The following TMTC2 variants were observed in gnomAD, a reference collection of about 807,000 sequenced individuals.
The protein encoded by TMTC2 is protein O-mannosyl-transferase TMTC2.
A neutral mutation model predicts 82.4 loss-of-function variants in TMTC2; 43 were observed. The observed-to-expected ratio is 0.52, with a 90% CI of 0.41 to 0.67. The LOEUF is 0.67. TMTC2 is among the 30% of genes least tolerant of loss of function. The pLI is 0.00. For synonymous variants in TMTC2, 408 were observed against 381.9 expected (o/e 1.07, Z -0.80); for missense variants, 919 against 1,012.4 (o/e 0.91, Z 1.25).
At chr12:83,047,508 T>C in intron 9 of TMTC2, among the ~76,000 whole-genome samples, 1 of 152,228 alleles carries the variant, frequency 6.6e-6, no homozygotes. Context: ...GCCAGATGAT[T>C]CACATTCCAT....
At chr12:83,031,441 T>C (rs2137423593) in intron 9 of TMTC2, among the ~76,000 whole-genome samples, 1 of 152,042 alleles carries the variant, frequency 6.6e-6, no homozygotes, top group Admixed American at 6.5e-5. Context: ...ACATAACAAC[T>C]CTGTCACACT....
At chr12:82,842,470 C>G (rs1870393613) in intron 1 of TMTC2, among the ~76,000 whole-genome samples, 1 of 152,186 alleles carries the variant, frequency 6.6e-6, no homozygotes, top group Non-Finnish European at 1.5e-5. Flanking sequence ...TCATCAAAAA[C>G]AGCAGCAGAC....
intron 4 of TMTC2, among the ~76,000 whole-genome samples, chr12:82,948,756 A>G (rs933882149): frequency 1.2e-4 from 18 of 152,196 alleles, no homozygotes; most frequent in African/African-American, 4.1e-4. Flanking sequence ...TCTAACCCAA[A>G]TTATAACCAT....
chr12:83,024,061 T>C (rs1230422757), intron 8 of TMTC2, among the ~76,000 whole-genome samples: 3 of 152,180 alleles, frequency 2.0e-5, no homozygotes, highest in African/African-American at 7.2e-5. Flanking sequence ...TTAACATCAA[T>C]GTATTGTATA....
At chr12:82,858,298 A>T (rs1191501999) in intron 2 of TMTC2, among the ~76,000 whole-genome samples, 1 of 152,218 alleles carries the variant, frequency 6.6e-6, no homozygotes, top group African/African-American at 2.4e-5. Flanking sequence ...CTGCTAGAGC[A>T]TTAAGGAGAG....
intron 2 of TMTC2, among the ~76,000 whole-genome samples, chr12:82,891,442 G>A (rs913007088): frequency 3.5e-4 from 53 of 152,192 alleles, no homozygotes; most frequent in African/African-American, 1.3e-3. Flanking sequence ...CTGAGTAGCT[G>A]GGATTACAGG....
intron 8 of TMTC2, among the ~76,000 whole-genome samples, chr12:83,021,405 CA>C (rs1342814927): frequency 6.6e-6 from 1 of 152,098 alleles, no homozygotes; most frequent in Non-Finnish European, 1.5e-5. Flanking sequence ...ATGATACCTG[CA>C]TTCACCCATG....
At chr12:82,923,760 A>G (rs1369393820) in intron 3 of TMTC2, among the ~76,000 whole-genome samples, 2 of 152,206 alleles carry the variant, frequency 1.3e-5, no homozygotes, top group Non-Finnish European at 2.9e-5. Flanking sequence ...TTGTATTTAC[A>G]TAGAATTCAT....
At chr12:82,828,744 T>TA (rs1295283829) in intron 1 of TMTC2, among the ~76,000 whole-genome samples, 1 of 152,088 alleles carries the variant, frequency 6.6e-6, no homozygotes, top group Non-Finnish European at 1.5e-5. Context: ...CAAATATTAC[T>TA]AAATTGGGTC....
chr12:82,690,428 A>G (rs969963586), intron 1 of TMTC2: 1 of 982,632 alleles, frequency 1.0e-6, no homozygotes, highest in African/African-American at 1.7e-5. Flanking sequence ...TTGCTGTGGT[A>G]CTTCTCAAGG....
chr12:82,929,054 C>G (rs1875875808), intron 3 of TMTC2, among the ~76,000 whole-genome samples: 2 of 151,870 alleles, frequency 1.3e-5, no homozygotes, highest in Admixed American at 1.3e-4. Context: ...GTTTCAGGCA[C>G]TGTGTTTGTT....
At chr12:82,687,953 G>C (rs541600110) in intron 1 of TMTC2, among the ~76,000 whole-genome samples, 17 of 152,288 alleles carry the variant, frequency 1.1e-4, no homozygotes, top group African/African-American at 4.1e-4. Flanking sequence ...GGCAATTTGG[G>C]AAACTGTTTA....
rs193079963 is a variant in TMTC2 at position 82,845,795 on chromosome 12, T to C, written c.84-11215T>C. 1.9e-3 allele frequency among the ~76,000 whole-genome samples: 285 copies of C among 152,280 alleles called. 6 individuals carry two copies. The highest frequency in any genetic ancestry group is 6.4e-3 in the African/African-American group (264 of 41,522). ...GAGTGTGGTATTTCTCATATTTTCA[T>C]GTTGTATTAGTTTTTGCTTTAATTT... is the stretch of plus-strand genomic sequence containing the variant. On this transcript the variant is annotated intron_variant, in intron 1 of 11. Coordinates refer to ENST00000321196, the MANE Select transcript of TMTC2 (RefSeq NM_152588.3).
At chr12:82,728,546 T>G (rs1231077852) in intron 1 of TMTC2, among the ~76,000 whole-genome samples, 1 of 152,030 alleles carries the variant, frequency 6.6e-6, no homozygotes, top group Non-Finnish European at 1.5e-5. Context: ...CATGGTGAAA[T>G]CCTGTCTCTA....
intron 1 of TMTC2, among the ~76,000 whole-genome samples, chr12:82,703,024 TAAATA>T (rs1182675215): frequency 6.6e-6 from 1 of 151,332 alleles, no homozygotes; most frequent in Non-Finnish European, 1.5e-5. Context: ...AATAAATAAA[TAAATA>T]AAATAAAATA....
At chr12:82,949,078 A>G (rs1304647692) in intron 4 of TMTC2, among the ~76,000 whole-genome samples, 1 of 152,230 alleles carries the variant, frequency 6.6e-6, no homozygotes, top group Non-Finnish European at 1.5e-5. Flanking sequence ...GTCTAACTAC[A>G]TTGAGTTTTA....
intron 4 of TMTC2, among the ~76,000 whole-genome samples, chr12:82,961,597 G>C (rs541803053): frequency 2.6e-5 from 4 of 151,978 alleles, no homozygotes; most frequent in Non-Finnish European, 5.9e-5. Flanking sequence ...AGAGGGAGTT[G>C]GTTAATTCTC....
intron 10 of TMTC2, among the ~76,000 whole-genome samples, chr12:83,056,769 C>G (rs902340985): frequency 6.6e-6 from 1 of 151,982 alleles, no homozygotes; most frequent in East Asian, 1.9e-4. Flanking sequence ...TCACAAGGCT[C>G]TTATTTCAAC....
intron 9 of TMTC2, among the ~76,000 whole-genome samples, chr12:83,037,481 G>A (rs371066105): frequency 3.9e-5 from 6 of 152,178 alleles, no homozygotes; most frequent in East Asian, 3.9e-4. Context: ...TTACAATTAC[G>A]TTTAATACTT....
Sources: gnomAD v4.1 joint callset for allele counts (sites outside exome capture counted in the v4.1 genomes callset) on GRCh38, gnomAD v4.1.1 for gene constraint, MANE v1.5 for transcripts, NCBI Gene and HGNC (gene_info 2026-07-23, HGNC 2026-07-21) for gene names.